The following RNF4 variants were observed in gnomAD, a reference collection of about 807,000 sequenced individuals.
The protein encoded by RNF4 is E3 ubiquitin-protein ligase RNF4.
A neutral mutation model predicts 24.3 loss-of-function variants in RNF4; 7 were observed. The ratio of observed to expected loss-of-function variants is 0.29; its 90% CI spans 0.16 to 0.54. The LOEUF (loss-of-function observed/expected upper bound fraction) is 0.54, where lower values mean the gene tolerates loss of function less well. Ranked by LOEUF, RNF4 falls within the 20% of genes least tolerant of loss-of-function variation. RNF4 has a pLI of 0.95. For missense variants in RNF4, 209 were observed against 248.5 expected, an observed-to-expected ratio of 0.84 and a Z score of 1.07; for synonymous variants, 83 against 84.3, an observed-to-expected ratio of 0.98 and a Z score of 0.09.
intron 3 of RNF4, chr4:2,499,341 G>A: frequency 2.2e-6 from 1 of 447,434 alleles, no homozygotes; most frequent in Non-Finnish European, 4.5e-6. Flanking sequence ...GCCCAGGCTG[G>A]GGTGCAGTGG....
chr4:2,476,704 C>CTTTT, intron 1 of RNF4, among the ~76,000 whole-genome samples: 1 of 136,550 alleles, frequency 7.3e-6, no homozygotes, highest in African/African-American at 2.7e-5. Flanking sequence ...TTCTTTCTTT[C>CTTTT]TTTTTTTTTT....
At chr4:2,481,036 TA>T (rs1309218677) in intron 1 of RNF4, 3 of 152,376 alleles carry the variant, frequency 2.0e-5, no homozygotes, top group South Asian at 2.1e-4. Context: ...CCAAGCCATG[TA>T]ATATACACAC....
intron 1 of RNF4, among the ~76,000 whole-genome samples, chr4:2,477,283 T>C (rs1735106080): frequency 6.6e-6 from 1 of 152,070 alleles, no homozygotes; most frequent in South Asian, 2.1e-4. Flanking sequence ...GGTGAATAAG[T>C]CTCAAGAGAT....
At chr4:2,502,718 C>G (rs1735952508) in intron 4 of RNF4, among the ~76,000 whole-genome samples, 1 of 151,276 alleles carries the variant, frequency 6.6e-6, no homozygotes, top group Non-Finnish European at 1.5e-5. Context: ...ATGATGCATA[C>G]CTGTAATCCC....
chr4:2,502,944 G>A (rs1432200707), intron 4 of RNF4, among the ~76,000 whole-genome samples: 1 of 151,956 alleles, frequency 6.6e-6, no homozygotes, highest in Non-Finnish European at 1.5e-5. Flanking sequence ...TCCAACCCCT[G>A]AGCTTAAGTG....
At chr4:2,473,759 C>T (rs1423410708) in intron 1 of RNF4, among the ~76,000 whole-genome samples, 2 of 150,740 alleles carry the variant, frequency 1.3e-5, no homozygotes, top group South Asian at 2.1e-4. Context: ...TGTGGTGAGC[C>T]GAGATCACAC....
chr4:2,496,926 A>C, intron 2 of RNF4, 81 bp from the exon 3 acceptor site: 1 of 1,017,334 alleles, frequency 9.8e-7, no homozygotes, highest in Non-Finnish European at 1.4e-6. Flanking sequence ...GAAGTGAACC[A>C]TTTCTATTGC....
At chr4:2,480,555 G>C (rs1735216023) in intron 1 of RNF4, 1 of 151,848 alleles carries the variant, frequency 6.6e-6, no homozygotes, top group Non-Finnish European at 1.5e-5. Context: ...TTACAGGTGT[G>C]AGCTCAGACC....
At chr4:2,492,683 C>T (rs1263044676) in intron 2 of RNF4, among the ~76,000 whole-genome samples, 1 of 152,128 alleles carries the variant, frequency 6.6e-6, no homozygotes, top group African/African-American at 2.4e-5. Context: ...CCCTCTGAGC[C>T]TTTTGGGTCC....
intron 1 of RNF4, among the ~76,000 whole-genome samples, chr4:2,482,477 G>A (rs957300298): frequency 6.6e-6 from 1 of 152,182 alleles, no homozygotes; most frequent in Non-Finnish European, 1.5e-5. Flanking sequence ...CTCGGCCTCC[G>A]GAGGAGTGGA....
rs1735758240 is a variant in RNF4, at chr4:2,497,050, A to G, written c.53A>G (p.Lys18Arg). The G allele has an allele frequency of 6.2e-7, 1 of 1,608,728 alleles. No homozygotes were observed. Among genetic ancestry groups the G allele is most frequent in the Admixed American group, 1.7e-5 (1 of 59,202 alleles). The change falls in exon 3 of 8, where the codon AAG becomes AGG. Residue 18 changes from lysine (K) to arginine (R), a missense_variant. By Grantham distance (26) the Lys-to-Arg change is conservative. Transcript: ENST00000314289. ...GCAATAAATTCTAGACAAGCTCAGA[A>G]GCGAACTCGGGAAGCAACCTCCACC... ...GGAINSRQAQ[K>R]RTREATSTPE...
intron 1 of RNF4, among the ~76,000 whole-genome samples, chr4:2,483,952 G>A (rs997572879): frequency 4.6e-5 from 7 of 150,580 alleles, no homozygotes; most frequent in Admixed American, 2.0e-4. Context: ...TCAGGTTCCC[G>A]AGTAGCTGGG....
At chr4:2,479,824 G>C (rs1735194347) in intron 1 of RNF4, 1 of 152,170 alleles carries the variant, frequency 6.6e-6, no homozygotes, top group South Asian at 2.1e-4. Context: ...CAATGTAAAG[G>C]CTTCATTTCC....
intron 4 of RNF4, among the ~76,000 whole-genome samples, chr4:2,510,601 G>C (rs983705961): frequency 6.6e-6 from 1 of 152,204 alleles, no homozygotes; most frequent in Admixed American, 6.5e-5. Context: ...GAGGGAACTC[G>C]GTTCACGTCT....
intron 1 of RNF4, chr4:2,480,637 G>GGGACACCATT (rs1409085608): frequency 6.6e-6 from 1 of 152,144 alleles, no homozygotes; most frequent in Non-Finnish European, 1.5e-5. Flanking sequence ...CTAGTGGGTG[G>GGGACACCATT]GGACACCATG....
chr4:2,492,129 G>T (rs1187569936), intron 2 of RNF4, among the ~76,000 whole-genome samples: 3 of 151,908 alleles, frequency 2.0e-5, no homozygotes, highest in Non-Finnish European at 2.9e-5. Flanking sequence ...AACCTGGGAG[G>T]CGGAGCTTGC....
intron 1 of RNF4, among the ~76,000 whole-genome samples, chr4:2,475,192 A>C (rs1262806488): frequency 1.3e-5 from 2 of 152,210 alleles, no homozygotes; most frequent in African/African-American, 4.8e-5. Flanking sequence ...TTTTAAGAGA[A>C]TATCTCCCTG....
chr4:2,483,482 A>G (rs1213822914), intron 1 of RNF4, among the ~76,000 whole-genome samples: 1 of 152,226 alleles, frequency 6.6e-6, no homozygotes, highest in Non-Finnish European at 1.5e-5. Context: ...GGTTATTGAT[A>G]TGACTGAGGG....
At chr4:2,487,262 A>T (rs1230846743) in intron 1 of RNF4, among the ~76,000 whole-genome samples, 1 of 151,950 alleles carries the variant, frequency 6.6e-6, no homozygotes. Context: ...GTGCACCGTC[A>T]CATCTGGCTA....
Sources: gnomAD v4.1 joint callset for allele counts (sites outside exome capture counted in the v4.1 genomes callset) on GRCh38, gnomAD v4.1.1 for gene constraint, MANE v1.5 for transcripts, NCBI Gene and HGNC (gene_info 2026-07-23, HGNC 2026-07-21) for gene names.